The following KMT2D variants were observed in gnomAD, a reference collection of about 807,000 sequenced individuals.
The protein encoded by KMT2D is histone-lysine N-methyltransferase 2D.
Under a neutral mutation model 512.7 loss-of-function variants are expected in KMT2D, and 55 were observed. The ratio of observed to expected loss-of-function variants is 0.11; its 90% CI spans 0.09 to 0.13. KMT2D has a LOEUF of 0.13. Among genes scored for constraint, KMT2D ranks in the 10% least tolerant of loss-of-function variants. The pLI, the probability that KMT2D is intolerant of heterozygous loss-of-function variation, is 1.00. For synonymous variants in KMT2D, 2,995 were observed against 2,904.0 expected (o/e 1.03, Z -1.01); for missense variants, 6,061 against 7,127.9 (o/e 0.85, Z 5.39).
rs2120631454 is a variant in KMT2D at position 49,049,170 on chromosome 12, G to T, written c.3955C>A (p.His1319Asn). Residue 1319 changes from histidine to asparagine, a missense_variant, in exon 13 of 55, where the codon CAT (histidine) becomes AAT (asparagine). Physicochemically the swap from His to Asn is moderately conservative, Grantham distance 68. This residue lies in a region of KMT2D where 447 missense variants were observed against 500.1 expected (regional missense o/e 0.89). Coordinates refer to ENST00000301067, the MANE Select transcript of KMT2D (RefSeq NM_003482.4). ...PGRRRPRGGA[H>N]GGRGRGRARL... ...GCCCGTCCTCTACCACGTCCTCCAT[G>T]GGCTCCTCCACGAGGCCGGCGTCTT... 1 of 1,611,522 alleles carries T rather than the reference G, an allele frequency of 6.2e-7. No homozygotes were observed.
chr12:49,033,779 C>T lies in KMT2D; in HGVS notation c.10926G>A (p.Gln3642=), dbSNP rs770535654. 21 of 1,606,682 alleles carry T rather than the reference C, an allele frequency of 1.3e-5. No individual in the cohort carries two copies. The highest frequency in any genetic ancestry group is 3.4e-5 in the Admixed American group (2 of 58,948). The change falls in exon 40 of 55, where the codon CAG becomes CAA. Residue 3642 remains glutamine (Q), a synonymous_variant. Coordinates refer to ENST00000301067, the MANE Select transcript of KMT2D (RefSeq NM_003482.4). ...GCCCACCCGGAGGCCCCTGTGGTGG[C>T]TGCAGCCCATGGCCAGGGAGCAGCT... The part of the protein sequence containing the change: ...PGQLLPGHGL[Q]PPQGPPGGQA...
Position 49,033,807 on chromosome 12 carries a change from C to T in KMT2D, c.10898G>A (p.Gly3633Asp). Residue 3633 changes from glycine to aspartate, a missense_variant, in exon 40 of 55, where the codon GGT becomes GAT. Gly to Asp is a moderately conservative substitution (Grantham distance 94). Transcript: ENST00000301067. ...QSPRLLTKLPGQLLPGHGLQP... is the reference protein window; with the variant it reads ...QSPRLLTKLPDQLLPGHGLQP... ...CAGCCCATGGCCAGGGAGCAGCTGA[C>T]CAGGGAGCTTGGTGAGCAGCCGGGG... is the stretch of plus-strand genomic sequence containing the variant. The T allele has an allele frequency of 6.3e-7, 1 of 1,595,174 alleles. No individual in the cohort carries two copies. Among genetic ancestry groups the T allele is most frequent in the South Asian group, 1.1e-5 (1 of 88,644 alleles).
rs1181174211 is a variant in KMT2D, at chr12:49,033,195, G to C, written c.11510C>G (p.Ser3837Cys). The C allele has an allele frequency of 6.5e-7, 1 of 1,550,174 alleles. No homozygotes were observed. The highest frequency in any genetic ancestry group is 8.7e-7 in the Non-Finnish European group (1 of 1,146,162). ...VLMTQSRVLS[S>C]PQLAQQGQGL... ...CTGACCCTGCTGTGCCAGCTGGGGG[G>C]AACTGAGCACCCGGGACTGGGTCAT... The change falls in exon 40 of 55, where the codon TCC becomes TGC. Residue 3837 changes from serine to cysteine, a missense_variant. This residue lies in a region of KMT2D where 1,600 missense variants were observed against 1,754.9 expected (regional missense o/e 0.91). Coordinates refer to ENST00000301067, the MANE Select transcript of KMT2D (RefSeq NM_003482.4).
chr12:49,045,479 T>TA (rs34909216), intron 19 of KMT2D, among the ~76,000 whole-genome samples: 1 of 151,776 alleles, frequency 6.6e-6, no homozygotes, highest in Admixed American at 6.6e-5. Context: ...CCATCTCTAC[T>TA]AAAAAATACA....
chr12:49,039,193 T>C lies in KMT2D; in HGVS notation c.8366+29A>G. The C allele has an allele frequency of 6.2e-7, 1 of 1,611,828 alleles. No individual in the cohort carries two copies. Among genetic ancestry groups the C allele is most frequent in the Non-Finnish European group, 8.5e-7 (1 of 1,179,094 alleles). On this transcript the variant is annotated intron_variant, in intron 34 of 54. Coordinates refer to ENST00000301067, the MANE Select transcript of KMT2D (RefSeq NM_003482.4). This position sits in a 1 kb window ranked among gnomAD's most constrained non-coding sequence, Gnocchi z 5.0. ...GTGATAAAATCCATCCCCCTTGGTT[T>C]ACCCCCAGGGAACCTCCTGGAGCCT... is the stretch of plus-strand genomic sequence containing the variant.
rs376141976 is a variant in KMT2D, at chr12:49,037,951, G to C, written c.9405C>G (p.Thr3135=). Residue 3135 remains threonine (T), a synonymous_variant, in exon 35 of 55, where the codon ACC becomes ACG. Transcript: ENST00000301067. ...GGRHPSPCQF[T]IATPKVEPAP... is the part of the protein sequence containing the mutation. ...CGGGCTCTACCTTGGGGGTAGCAAT[G>C]GTGAATTGGCAAGGAGAAGGGTGGC... is the stretch of plus-strand genomic sequence containing the variant. The C allele has an allele frequency of 6.2e-7, 1 of 1,603,992 alleles. No individual in the cohort carries two copies. The highest frequency in any genetic ancestry group is 1.7e-5 in the Admixed American group (1 of 58,488).
At chr12:49,043,548 C>G (rs2120569946) in intron 24 of KMT2D, 87 bp downstream of exon 24, 1 of 1,593,382 alleles carries the variant, frequency 6.3e-7, no homozygotes, top group Non-Finnish European at 8.6e-7. Flanking sequence ...TCCTGGAGGC[C>G]AGTCCATTTC....
rs983427248 is a variant in KMT2D, at chr12:49,039,568, G to C, written c.8096C>G (p.Thr2699Ser). ...LLIRQQIQRN[T>S]LRQEKETAAA... ...AGCTGTTTCCTTCTCCTGCCGCAGG[G>C]TGTTGCGCTGGATCTGCTGCCGAAT... The change falls in exon 33 of 55, where the codon ACC becomes AGC. Residue 2699 changes from threonine to serine, a missense_variant. Transcript: ENST00000301067. This position sits in a 1 kb window ranked among gnomAD's most constrained non-coding sequence, Gnocchi z 5.0. The C allele has an allele frequency of 6.8e-6, 11 of 1,611,744 alleles. No homozygotes were observed. Among genetic ancestry groups the C allele is most frequent in the East Asian group, 4.5e-5 (2 of 44,884 alleles).
rs1170647904 is a variant in KMT2D, at chr12:49,059,953, G to GCCCGGCCAGCGC, written c.-390_-379dup. On this transcript the variant is annotated 5_prime_UTR_variant, in exon 1 of 55. Coordinates refer to ENST00000301067, the MANE Select transcript of KMT2D (RefSeq NM_003482.4). Reference sequence around the variant, plus strand: ...CGCCGGGCGGCCTCTCAGTCCTAGGGCCCGGCCAGCGCCCCGGCCGCCCGC... The same window carrying GCCCGGCCAGCGC: ...CGCCGGGCGGCCTCTCAGTCCTAGGGCCCGGCCAGCGCCCCGGCCAGCGCCCCGGCCGCCCGC... Among the ~76,000 whole-genome samples, 1 of 151,670 alleles carries GCCCGGCCAGCGC rather than the reference G, an allele frequency of 6.6e-6. No individual in the cohort carries two copies. Among genetic ancestry groups the GCCCGGCCAGCGC allele is most frequent in the African/African-American group, 2.4e-5 (1 of 41,336 alleles).
intron 24 of KMT2D, 27 bp from the exon 25 acceptor site, chr12:49,043,455 C>G: frequency 6.2e-7 from 1 of 1,612,214 alleles, no homozygotes; most frequent in Non-Finnish European, 8.5e-7. Context: ...CCCCTCCAAT[C>G]AGAGATGTCC....
At position 49,050,018 on chromosome 12, in the gene KMT2D, T is replaced by C. The variant is rs368790549; in HGVS notation, c.3570A>G (p.Ala1190=). The change falls in exon 12 of 55, where the codon GCA becomes GCG. Residue 1190 remains alanine, a synonymous_variant. Transcript: ENST00000301067. ...SPCEEQEEPR[A]PVAPTPPTLI... ...GAGTGGGTGGTGTGGGGGCCACCGG[T>C]GCACGTGGCTCTTCCTGTTCTTCAC... 10 of 1,613,766 alleles carry C rather than the reference T, an allele frequency of 6.2e-6. No individual in the cohort carries two copies. The African/African-American group carries it at 6.7e-5, about 11-fold the overall frequency.
chr12:49,055,551 C>T (rs1938359176), intron 1 of KMT2D, among the ~76,000 whole-genome samples, 190 bp from the exon 2 acceptor site: 1 of 152,198 alleles, frequency 6.6e-6, no homozygotes. Context: ...TAAACACATA[C>T]GCTCTTCTCA....
In KMT2D at chr12:49,033,052, C is replaced by T; in HGVS notation, c.11653G>A (p.Gly3885Arg). ...GGCTGAGCGCTCAGTTTGGGCTGCCCACTGTGTGACATCAGACTCTGCTGA... is the reference window on the plus strand; with the variant it reads ...GGCTGAGCGCTCAGTTTGGGCTGCCTACTGTGTGACATCAGACTCTGCTGA... ...HLQQSLMSHSGQPKLSAQPMG... is the reference protein window; with the variant it reads ...HLQQSLMSHSRQPKLSAQPMG... Residue 3885 changes from glycine to arginine, a missense_variant, in exon 40 of 55, where the codon GGG (glycine) becomes AGG (arginine). Coordinates refer to ENST00000301067, the MANE Select transcript of KMT2D (RefSeq NM_003482.4). The T allele has an allele frequency of 1.3e-6, 2 of 1,551,458 alleles. No individual in the cohort carries two copies. The highest frequency in any genetic ancestry group is 1.7e-6 in the Non-Finnish European group (2 of 1,146,930).
chr12:49,044,151 C>T lies in KMT2D; in HGVS notation c.5188+49G>A, dbSNP rs2120578785. ...GAGTCCACCCCCTGGGTCTCTCTAG[C>T]ATTGCCCCACCTTCTCCCAGGCCCC... is the stretch of plus-strand genomic sequence containing the variant. On this transcript the variant is annotated intron_variant, in intron 22 of 54. Coordinates refer to ENST00000301067, the MANE Select transcript of KMT2D (RefSeq NM_003482.4). The surrounding 1 kb of genome is among the most constrained non-coding windows in gnomAD (Gnocchi z 6.4). 1 of 1,596,428 alleles carries T rather than the reference C, an allele frequency of 6.3e-7. No homozygotes were observed. Among genetic ancestry groups the T allele is most frequent in the South Asian group, 1.1e-5 (1 of 89,866 alleles).
Position 49,040,260 on chromosome 12 carries a change from C to T in KMT2D, c.7510G>A (p.Gly2504Ser), listed in dbSNP as rs376338784. 3.1e-6 allele frequency: 5 copies of T among 1,611,774 alleles called. No individual in the cohort carries two copies. The highest frequency in any genetic ancestry group is 3.4e-6 in the Non-Finnish European group (4 of 1,178,882). Residue 2504 changes from glycine to serine, a missense_variant, in exon 32 of 55, where the codon GGT (glycine) becomes AGT (serine). Gly to Ser is a moderately conservative substitution (Grantham distance 56). Around this residue, in one of 16 missense-constraint regions of KMT2D, gnomAD observed 710 missense variants for 647.3 expected, o/e 1.10. Transcript: ENST00000301067. ...CTTGGGACCTTGGCATGGAGCTCAC[C>T]TGCTGGCCCCGCGGGCAGGGCTGCT... is the stretch of plus-strand genomic sequence containing the variant. Reference protein sequence around the residue: ...FPAALPAGPAGELHAKVPSGQ... With the variant: ...FPAALPAGPASELHAKVPSGQ...
rs1943374497 is a variant in KMT2D, at chr12:49,039,320, C to T, written c.8268G>A (p.Leu2756=). ...ACCCTGGCCCCAGGATGGGGCCACT[C>T]AGCTTGCTTGGGGGCAACCCCACAA... is the stretch of plus-strand genomic sequence containing the variant. ...SSLVGLPPSK[L]SGPILGPGSF... Residue 2756 remains leucine, a synonymous_variant, in exon 34 of 55, where the codon CTG becomes CTA. Coordinates refer to ENST00000301067, the MANE Select transcript of KMT2D (RefSeq NM_003482.4). The surrounding 1 kb of genome is among the most constrained non-coding windows in gnomAD (Gnocchi z 5.0). 15 of 1,613,646 alleles carry T rather than the reference C, an allele frequency of 9.3e-6. No homozygotes were observed. Among genetic ancestry groups the T allele is most frequent in the Non-Finnish European group, 1.3e-5 (15 of 1,179,742 alleles).
In KMT2D at chr12:49,060,467, G is replaced by A. The variant is rs1206117658; in HGVS notation, c.-892C>T. Among the ~76,000 whole-genome samples, 1 of 152,200 alleles carries A rather than the reference G, an allele frequency of 6.6e-6. No homozygotes were observed. Reference sequence around the variant, plus strand: ...CCCCCGGCTGACTGTGATCGCAGGCGGCCTAGAGGTGCATGGCCCAACCCC... The same window carrying A: ...CCCCCGGCTGACTGTGATCGCAGGCAGCCTAGAGGTGCATGGCCCAACCCC... On this transcript the variant is annotated 5_prime_UTR_variant, in exon 1 of 55. Coordinates refer to ENST00000301067, the MANE Select transcript of KMT2D (RefSeq NM_003482.4).
Position 49,044,848 on chromosome 12 carries a change from A to T in KMT2D, c.4859T>A (p.Leu1620His), listed in dbSNP as rs753143706. The part of the protein sequence containing the change: ...KRRQRRGRLG[L>H]PGEAGLEGSE... Reference sequence around the variant, plus strand: ...ACCCTCCAATCCTGCCTCGCCTGGGAGGCCAAGCCGTCCTCGCCGTTGGCG... The same window carrying T: ...ACCCTCCAATCCTGCCTCGCCTGGGTGGCCAAGCCGTCCTCGCCGTTGGCG... Residue 1620 changes from leucine (L) to histidine (H), a missense_variant, in exon 20 of 55, where the codon CTC becomes CAC. Around this residue, in one of 16 missense-constraint regions of KMT2D, gnomAD observed 640 missense variants for 814.3 expected, o/e 0.79. Transcript: ENST00000301067. This position sits in a 1 kb window ranked among gnomAD's most constrained non-coding sequence, Gnocchi z 6.4. The T allele has an allele frequency of 5.6e-6, 9 of 1,614,040 alleles. No homozygotes were observed. The highest frequency in any genetic ancestry group is 7.6e-6 in the Non-Finnish European group (9 of 1,179,896).
chr12:49,031,151 C>T (rs2120416530), intron 40 of KMT2D, 24 bp downstream of exon 40: 1 of 1,606,040 alleles, frequency 6.2e-7, no homozygotes. Context: ...ACTCTACCTG[C>T]TCCACTCTAC....
Sources: allele counts gnomAD v4.1 joint callset (sites outside exome capture counted in the v4.1 genomes callset), GRCh38; gene constraint gnomAD v4.1.1; regional missense constraint gnomAD v4.1.1; non-coding constraint Gnocchi (gnomAD v3.1); transcripts MANE v1.5; gene names NCBI Gene and HGNC (gene_info 2026-07-23, HGNC 2026-07-21).